The following SORCS2 variants were observed in gnomAD, a reference collection of about 807,000 sequenced individuals.
SORCS2 encodes VPS10 domain-containing receptor SorCS2.
SORCS2 carries 100 observed loss-of-function variants against 141.6 expected under a neutral mutation model. The observed-to-expected ratio is 0.71, with a 90% CI of 0.60 to 0.83. SORCS2 has a LOEUF of 0.83. Among genes scored for constraint, SORCS2 ranks in the 40% least tolerant of loss-of-function variants. The probability of loss-of-function intolerance (pLI) is 0.00; values close to 1 mark genes in which losing one functional copy is unlikely to be tolerated. For missense variants in SORCS2, 1,646 were observed against 1,560.2 expected, an observed-to-expected ratio of 1.05 and a Z score of -0.93; for synonymous variants, 789 against 676.9, an observed-to-expected ratio of 1.17 and a Z score of -2.57.
At chr4:7,407,568 C>G (rs1348128551) in intron 2 of SORCS2, among the ~76,000 whole-genome samples, 2 of 151,980 alleles carry the variant, frequency 1.3e-5, no homozygotes, top group Non-Finnish European at 2.9e-5. Flanking sequence ...GTCTATGTGT[C>G]ATTATAGGTG....
chr4:7,621,573 A>G (rs1027129987), intron 3 of SORCS2, among the ~76,000 whole-genome samples: 10 of 150,132 alleles, frequency 6.7e-5, no homozygotes, highest in Admixed American at 6.6e-4. Context: ...CTGTGTGTGT[A>G]TATGTGTGTG....
chr4:7,636,589 C>T (rs977756911), intron 3 of SORCS2, among the ~76,000 whole-genome samples: 2 of 151,920 alleles, frequency 1.3e-5, no homozygotes, highest in East Asian at 1.9e-4. Context: ...TCTGTCATTC[C>T]AAATGTAGAG....
chr4:7,723,710 C>A lies in SORCS2; in HGVS notation c.2438C>A (p.Thr813Asn), dbSNP rs765815199. Residue 813 changes from threonine to asparagine, a missense_variant, in exon 19 of 27, where the codon ACT becomes AAT. Thr to Asn is a moderately conservative substitution (Grantham distance 65). Coordinates refer to ENST00000507866, the MANE Select transcript of SORCS2 (RefSeq NM_020777.3). ...VVRQEQGDVL[T>N]TKYQVDLGDG... ...GTTTCTCTGCAGGGTGATGTCCTGA[C>A]TACCAAGTACCAGGTAGACCTTGGG... is the stretch of plus-strand genomic sequence containing the variant. The A allele has an allele frequency of 6.2e-7, 1 of 1,613,874 alleles. No homozygotes were observed. The highest frequency in any genetic ancestry group is 1.3e-5 in the African/African-American group (1 of 74,926).
intron 1 of SORCS2, among the ~76,000 whole-genome samples, chr4:7,355,220 C>T (rs892795450): frequency 1.3e-5 from 2 of 152,098 alleles, no homozygotes; most frequent in Non-Finnish European, 2.9e-5. Context: ...GAGAGGGTCC[C>T]CTTCACTCTC....
intron 1 of SORCS2, among the ~76,000 whole-genome samples, chr4:7,234,115 C>T (rs1453581087): frequency 1.3e-5 from 2 of 152,152 alleles, no homozygotes; most frequent in African/African-American, 4.8e-5. Context: ...GGACCTTGAT[C>T]CCCCACCAGA....
At chr4:7,428,813 G>T (rs1476008164) in intron 2 of SORCS2, among the ~76,000 whole-genome samples, 2 of 152,164 alleles carry the variant, frequency 1.3e-5, no homozygotes. Flanking sequence ...GAGTGAGGAG[G>T]TTGTGAGCTG....
intron 2 of SORCS2, among the ~76,000 whole-genome samples, chr4:7,486,134 G>A (rs577944692): frequency 3.9e-5 from 6 of 152,252 alleles, no homozygotes; most frequent in Non-Finnish European, 7.4e-5. Context: ...CCCCTCGTGC[G>A]CGTGACAGGG....
chr4:7,343,718 A>T (rs1352855672), intron 1 of SORCS2, among the ~76,000 whole-genome samples: 2 of 152,184 alleles, frequency 1.3e-5, no homozygotes, highest in Non-Finnish European at 2.9e-5. Context: ...ACTGTGGCAG[A>T]TGGGGCCGCC....
At chr4:7,708,690 C>T (rs1018333487) in intron 14 of SORCS2, among the ~76,000 whole-genome samples, 7 of 152,204 alleles carry the variant, frequency 4.6e-5, no homozygotes, top group African/African-American at 9.6e-5. Context: ...CTTTAGTGAG[C>T]GCCCCACTGC....
intron 1 of SORCS2, among the ~76,000 whole-genome samples, chr4:7,390,635 G>A (rs1182599308): frequency 1.3e-5 from 2 of 152,224 alleles, no homozygotes; most frequent in African/African-American, 2.4e-5. Flanking sequence ...CTGCACAAGA[G>A]CAGAGGGAAG....
At chr4:7,605,805 T>C (rs1577830093) in intron 3 of SORCS2, among the ~76,000 whole-genome samples, 1 of 150,920 alleles carries the variant, frequency 6.6e-6, no homozygotes, top group African/African-American at 2.4e-5. Context: ...GTCTTGGGGG[T>C]GAGGAGCAGG....
intron 19 of SORCS2, among the ~76,000 whole-genome samples, chr4:7,724,480 G>GTGATGATGGTGATGGTGGTGATGA (rs147164731): frequency 1.4e-5 from 1 of 71,388 alleles, no homozygotes; most frequent in Admixed American, 1.2e-4. Flanking sequence ...GGTGATGGTG[G>GTGATGATGGTGATGGTGGTGATGA]TGATGGTGGT....
intron 2 of SORCS2, among the ~76,000 whole-genome samples, chr4:7,517,077 G>C (rs1329433984): frequency 2.6e-5 from 4 of 152,206 alleles, no homozygotes; most frequent in Non-Finnish European, 5.9e-5. Flanking sequence ...TGACTGAGGG[G>C]ATTTGTCATC....
At chr4:7,452,651 C>G (rs1728540093) in intron 2 of SORCS2, among the ~76,000 whole-genome samples, 1 of 152,236 alleles carries the variant, frequency 6.6e-6, no homozygotes, top group African/African-American at 2.4e-5. Flanking sequence ...CTCTCTCTAG[C>G]CACATGCCCA....
chr4:7,700,220 A>G (rs7684291), intron 12 of SORCS2, among the ~76,000 whole-genome samples: 86,656 of 152,126 alleles, frequency 0.57, 25,385 homozygotes, highest in East Asian at 0.74. Context: ...GCTGACTCAA[A>G]TCTGGACTTT....
intron 3 of SORCS2, among the ~76,000 whole-genome samples, chr4:7,630,736 A>G (rs997090750): frequency 1.3e-5 from 2 of 152,196 alleles, no homozygotes; most frequent in South Asian, 2.1e-4. Context: ...CTAATTTCAG[A>G]TCCGGGGGTG....
chr4:7,566,071 T>A (rs1714982963), intron 3 of SORCS2, among the ~76,000 whole-genome samples: 1 of 149,370 alleles, frequency 6.7e-6, no homozygotes, highest in Admixed American at 6.7e-5. Context: ...ATGATGGTGA[T>A]GACGGTAATG....
intron 2 of SORCS2, among the ~76,000 whole-genome samples, chr4:7,447,513 A>G (rs946236272): frequency 1.3e-5 from 2 of 152,240 alleles, no homozygotes; most frequent in African/African-American, 4.8e-5. Flanking sequence ...CAGTATGTGC[A>G]CTTGGATCAT....
At chr4:7,564,931 C>T (rs958775046) in intron 3 of SORCS2, among the ~76,000 whole-genome samples, 6 of 152,188 alleles carry the variant, frequency 3.9e-5, no homozygotes, top group Admixed American at 6.5e-5. Context: ...GACCTCACCA[C>T]AGGAGCTGAA....
Sources: gnomAD v4.1 joint callset for allele counts (sites outside exome capture counted in the v4.1 genomes callset) on GRCh38, gnomAD v4.1.1 for gene constraint, MANE v1.5 for transcripts, NCBI Gene and HGNC (gene_info 2026-07-23, HGNC 2026-07-21) for gene names.